PLD5: variants seen among roughly 807,000 people sequenced by gnomAD.
PLD5 encodes inactive phospholipase D5.
Under a neutral mutation model 61.1 loss-of-function variants are expected in PLD5, and 36 were observed. That is an observed-to-expected ratio of 0.59 (90% CI 0.45 to 0.78). The LOEUF (loss-of-function observed/expected upper bound fraction) is 0.78, where lower values mean the gene tolerates loss of function less well. PLD5 is among the 30% of genes least tolerant of loss of function. The pLI is 0.00. For missense variants in PLD5, 515 were observed against 644.4 expected (o/e 0.80, Z 2.17); for synonymous variants, 243 against 242.8 (o/e 1.00, Z -0.01).
At chr1:242,139,430 C>T (rs1460851630) in intron 5 of PLD5, among the ~76,000 whole-genome samples, 1 of 152,044 alleles carries the variant, frequency 6.6e-6, no homozygotes, top group Admixed American at 6.6e-5. Flanking sequence ...ATGGCAGCGT[C>T]TTCAACTTGC....
chr1:242,458,811 G>T (rs902315210), intron 1 of PLD5, among the ~76,000 whole-genome samples: 1 of 152,188 alleles, frequency 6.6e-6, no homozygotes, highest in Non-Finnish European at 1.5e-5. Flanking sequence ...GCCAGAGACG[G>T]TATTTGGCTC....
At chr1:242,183,811 C>A (rs1287530531) in intron 5 of PLD5, among the ~76,000 whole-genome samples, 1 of 152,104 alleles carries the variant, frequency 6.6e-6, no homozygotes, top group Admixed American at 6.5e-5. Flanking sequence ...AGTAGAATGG[C>A]GTGAACCCGG....
intron 4 of PLD5, 68 bp from the exon 5 acceptor site, chr1:242,220,183 C>A: frequency 6.4e-7 from 1 of 1,565,340 alleles, no homozygotes; most frequent in East Asian, 2.3e-5. Flanking sequence ...AGTCACCTAC[C>A]AGTGGAAATA....
At chr1:242,374,801 T>C (rs144559021) in intron 1 of PLD5, among the ~76,000 whole-genome samples, 48 of 152,246 alleles carry the variant, frequency 3.2e-4, no homozygotes, top group Non-Finnish European at 5.1e-4. Context: ...ACACTGTTCA[T>C]ACTTTGTTAA....
chr1:242,355,600 T>C (rs1426438289), intron 1 of PLD5, among the ~76,000 whole-genome samples: 1 of 151,732 alleles, frequency 6.6e-6, no homozygotes, highest in African/African-American at 2.4e-5. Flanking sequence ...TGGTTTCTAT[T>C]TCATTTATTT....
chr1:242,529,430 C>T (rs1572296431), upstream of PLD5, among the ~76,000 whole-genome samples: 1 of 152,082 alleles, frequency 6.6e-6, no homozygotes, highest in Non-Finnish European at 1.5e-5. Context: ...ACTTTTTTCT[C>T]ACAAAATCCT....
chr1:242,230,585 C>A (rs1671235839), intron 4 of PLD5, among the ~76,000 whole-genome samples: 1 of 152,098 alleles, frequency 6.6e-6, no homozygotes, highest in South Asian at 2.1e-4. Flanking sequence ...TTTTAGAATT[C>A]ATTGGCTAGA....
intron 4 of PLD5, among the ~76,000 whole-genome samples, chr1:242,236,831 G>C (rs903672584): frequency 3.3e-5 from 5 of 152,170 alleles, no homozygotes; most frequent in Non-Finnish European, 7.3e-5. Flanking sequence ...TTCAACTTCA[G>C]AATTCCTCCA....
chr1:242,218,383 ACTTG>A (rs1361491772), intron 5 of PLD5, among the ~76,000 whole-genome samples: 1 of 152,236 alleles, frequency 6.6e-6, no homozygotes, highest in African/African-American at 2.4e-5. Context: ...AAATTGTGTG[ACTTG>A]CTTTATTGCA....
At chr1:242,320,703 T>A (rs1217412847) in intron 2 of PLD5, among the ~76,000 whole-genome samples, 1 of 152,038 alleles carries the variant, frequency 6.6e-6, no homozygotes, top group Admixed American at 6.5e-5. Context: ...AAGAAAAAAA[T>A]AAATATACTT....
chr1:242,316,782 C>T (rs1043707119), intron 2 of PLD5, among the ~76,000 whole-genome samples: 2 of 152,014 alleles, frequency 1.3e-5, no homozygotes, highest in African/African-American at 4.8e-5. Context: ...CACTCTCAAG[C>T]AGAACCCAGT....
intron 1 of PLD5, among the ~76,000 whole-genome samples, chr1:242,443,493 T>C (rs1413431212): frequency 6.6e-6 from 1 of 152,084 alleles, no homozygotes; most frequent in Admixed American, 6.6e-5. Context: ...GCTGAGTCCT[T>C]AGGTGTCCAG....
At chr1:242,152,846 A>G (rs954726378) in intron 5 of PLD5, among the ~76,000 whole-genome samples, 1 of 152,172 alleles carries the variant, frequency 6.6e-6, no homozygotes, top group African/African-American at 2.4e-5. Flanking sequence ...TAGTGGAATG[A>G]TTTATAATCC....
intron 2 of PLD5, among the ~76,000 whole-genome samples, chr1:242,332,952 G>A (rs147831057): frequency 9.7e-4 from 148 of 152,314 alleles, no homozygotes; most frequent in African/African-American, 3.3e-3. Context: ...CAAGGTGAAC[G>A]GAGCACATCT....
chr1:242,105,222 G>GTTTT (rs570259900), intron 8 of PLD5, among the ~76,000 whole-genome samples: 1 of 146,580 alleles, frequency 6.8e-6, no homozygotes, highest in Non-Finnish European at 1.5e-5. Flanking sequence ...CTGTGTGTTG[G>GTTTT]TTTTTTTTTT....
chr1:242,449,227 G>A (rs1236963482), intron 1 of PLD5: 3 of 1,202,444 alleles, frequency 2.5e-6, no homozygotes, highest in Non-Finnish European at 3.5e-6. Context: ...CATAAAAAAA[G>A]GACAGTGCCT....
chr1:242,371,810 T>C (rs1174498435), intron 1 of PLD5, among the ~76,000 whole-genome samples: 1 of 152,042 alleles, frequency 6.6e-6, no homozygotes, highest in African/African-American at 2.4e-5. Context: ...GTGACCTCAG[T>C]GGTAGAAGGA....
At chr1:242,105,503 C>T (rs200531750) in intron 8 of PLD5, among the ~76,000 whole-genome samples, 7 of 152,144 alleles carry the variant, frequency 4.6e-5, no homozygotes, top group East Asian at 1.9e-4. Flanking sequence ...GGATTATAGG[C>T]GTGAGCCACT....
intron 1 of PLD5, among the ~76,000 whole-genome samples, chr1:242,467,570 C>T (rs1284810021): frequency 1.6e-4 from 25 of 152,154 alleles, no homozygotes; most frequent in Non-Finnish European, 5.9e-5. Context: ...TACCTCATCC[C>T]CTCCCTTATC....
Sources: gnomAD v4.1 joint callset for allele counts (sites outside exome capture counted in the v4.1 genomes callset) on GRCh38, gnomAD v4.1.1 for gene constraint, MANE v1.5 for transcripts, NCBI Gene and HGNC (gene_info 2026-07-23, HGNC 2026-07-21) for gene names.